Variants in SSPN observed in about 807,000 individuals in gnomAD.
SSPN encodes the protein K-ras oncogene-associated protein.
SSPN carries 15 observed loss-of-function variants against 19.1 expected under a neutral mutation model. The observed-to-expected ratio is 0.78, with a 90% CI of 0.52 to 1.21. SSPN has a LOEUF of 1.21. Among genes scored for constraint, SSPN ranks in the 50% most tolerant of loss-of-function variants. The pLI, the probability that SSPN is intolerant of heterozygous loss-of-function variation, is 0.00. For synonymous variants in SSPN, 147 were observed against 140.3 expected (o/e 1.05, Z -0.34); for missense variants, 291 against 314.0 (o/e 0.93, Z 0.55).
chr12:26,136,484 T>G (rs1420157017), intron 1 of SSPN, among the ~76,000 whole-genome samples: 1 of 152,248 alleles, frequency 6.6e-6, no homozygotes, highest in Non-Finnish European at 1.5e-5. Context: ...TACCTCCCTC[T>G]GTTTATTGCG....
Position 26,195,641 on chromosome 12 carries a change from G to GCGGGGGGGCCCC in SSPN, c.-31_-30insGGGGGGGCCCCC. The GCGGGGGGGCCCC allele has an allele frequency of 1.8e-6, 2 of 1,105,400 alleles. No homozygotes were observed. Among genetic ancestry groups the GCGGGGGGGCCCC allele is most frequent in the Non-Finnish European group, 2.3e-6 (2 of 878,118 alleles). The allele number at this position is 1,105,400 out of a possible 1,614,324, so 68.5% of individuals were successfully genotyped here. On this transcript the variant is annotated 5_prime_UTR_variant, in exon 1 of 3. Coordinates refer to ENST00000242729, the MANE Select transcript of SSPN (RefSeq NM_005086.5). The stretch of plus-strand genomic sequence containing the variant: ...CTCCAGGGCCCAGGGCGCCGCACAC[G>GCGGGGGGGCCCC]CACCCACCCACCCACCCAGCCTCGC...
chr12:26,208,029 GA>G (rs1191309529), intron 1 of SSPN, among the ~76,000 whole-genome samples: 1 of 139,120 alleles, frequency 7.2e-6, no homozygotes, highest in Non-Finnish European at 1.6e-5. Flanking sequence ...GGGGGGGGGG[GA>G]TATATAACAG....
rs61754129 is a variant in SSPN, at chr12:26,122,894, C to G, written c.-31+742C>G. On this transcript the variant is annotated intron_variant, in intron 1 of 2. Transcript: ENST00000538142. ...AGGCGAGGGGCTCCAGCTTCTGCCC[C>G]GCGCGCTCCAGGCAGGGGGCGGCCG... 9,216 of 1,550,796 alleles carry G rather than the reference C, an allele frequency of 5.9e-3. 49 individuals carry two copies. The highest frequency in any genetic ancestry group is 0.012 in the South Asian group (1,039 of 84,148).
At chr12:26,228,106 A>G (rs1256672656) in intron 2 of SSPN, among the ~76,000 whole-genome samples, 2 of 152,166 alleles carry the variant, frequency 1.3e-5, no homozygotes, top group Non-Finnish European at 2.9e-5. Context: ...GAAAATTGCT[A>G]TCTAAGGAGC....
At chr12:26,204,616 T>C (rs1944915227) in intron 1 of SSPN, among the ~76,000 whole-genome samples, 1 of 152,186 alleles carries the variant, frequency 6.6e-6, no homozygotes, top group Non-Finnish European at 1.5e-5. Context: ...GATTGCATAC[T>C]GTGGGCACCC....
chr12:26,159,812 C>T (rs75252481), intron 1 of SSPN, among the ~76,000 whole-genome samples: 5,877 of 152,288 alleles, frequency 0.039, 149 homozygotes, highest in South Asian at 0.069. Context: ...AGCATTCGAG[C>T]GGCAGCAAAT....
At chr12:26,170,108 A>G (rs1365082608) in intron 1 of SSPN, among the ~76,000 whole-genome samples, 1 of 152,200 alleles carries the variant, frequency 6.6e-6, no homozygotes, top group Non-Finnish European at 1.5e-5. Context: ...TAGATTAAAC[A>G]AAATATAACC....
intron 1 of SSPN, among the ~76,000 whole-genome samples, chr12:26,131,159 AT>A: frequency 6.6e-6 from 1 of 152,180 alleles, no homozygotes; most frequent in South Asian, 2.1e-4. Context: ...GCATCATTTT[AT>A]TGTATTAGGG....
chr12:26,161,303 C>T (rs1026104317), intron 1 of SSPN, among the ~76,000 whole-genome samples: 1 of 151,944 alleles, frequency 6.6e-6, no homozygotes, highest in South Asian at 2.1e-4. Context: ...CCATTCTACC[C>T]ATATGGCCTG....
chr12:26,141,983 G>T (rs1462974375), intron 1 of SSPN, among the ~76,000 whole-genome samples: 1 of 152,164 alleles, frequency 6.6e-6, no homozygotes, highest in Non-Finnish European at 1.5e-5. Context: ...TTACTATTGG[G>T]CACAACCTTG....
chr12:26,186,044 G>A (rs1038968461), intron 1 of SSPN, among the ~76,000 whole-genome samples: 2 of 152,238 alleles, frequency 1.3e-5, no homozygotes, highest in East Asian at 3.9e-4. Context: ...CTACTGAGAA[G>A]AAATAAAATG....
chr12:26,231,228 C>A lies in SSPN; in HGVS notation c.*152C>A. 2 of 1,157,226 alleles carry A rather than the reference C, an allele frequency of 1.7e-6. No homozygotes were observed. Among genetic ancestry groups the A allele is most frequent in the African/African-American group, 1.6e-5 (1 of 64,216 alleles). The allele number at this position is 1,157,226 out of a possible 1,614,324, so 71.7% of individuals were successfully genotyped here. A position where few individuals can be genotyped will look rare whatever the true frequency, so the allele number is the denominator to read the frequency against. ...TTTATATTTTTATGAAACAAAAGAGCATTTCTTCAGGTTTCTATTGTATTT... is the reference window on the plus strand; with the variant it reads ...TTTATATTTTTATGAAACAAAAGAGAATTTCTTCAGGTTTCTATTGTATTT... On this transcript the variant is annotated 3_prime_UTR_variant, in exon 3 of 3. Transcript: ENST00000242729.
chr12:26,122,408 C>T, intron 1 of SSPN: 1 of 1,305,616 alleles, frequency 7.7e-7, no homozygotes, highest in Non-Finnish European at 9.8e-7. Context: ...CCAGGCCGCT[C>T]TTGTCCAGGA....
At chr12:26,186,963 TTCTTTTAGCCTCTG>T (rs1483668408) in intron 1 of SSPN, among the ~76,000 whole-genome samples, 4 of 152,210 alleles carry the variant, frequency 2.6e-5, no homozygotes, top group Non-Finnish European at 4.4e-5. Flanking sequence ...ATCTTTTTGG[TTCTTTTAGCCTCTG>T]TTTCTCTTCG....
chr12:26,180,380 C>T (rs1450270257), intron 1 of SSPN: 1 of 152,126 alleles, frequency 6.6e-6, no homozygotes, highest in Non-Finnish European at 1.5e-5. Context: ...ACAGAGTGTC[C>T]TGACACCTTG....
At chr12:26,229,769 C>T (rs1311742094) in intron 2 of SSPN, among the ~76,000 whole-genome samples, 1 of 152,206 alleles carries the variant, frequency 6.6e-6, no homozygotes, top group Non-Finnish European at 1.5e-5. Flanking sequence ...CCTAGAGTCT[C>T]AGCAGGTGGA....
rs140911389 is a variant in SSPN, at chr12:26,168,378, G to A, written c.-31+46226G>A. Among the ~76,000 whole-genome samples, 7 of 152,234 alleles carry A rather than the reference G, an allele frequency of 4.6e-5. No homozygotes were observed. The East Asian group carries it at 1.4e-3, about 29-fold the overall frequency. ...TTTAAAAATGCTAAAATGATCAAAC[G>A]GGCAATCCACCCCGCCCAGTGTTCG... On this transcript the variant is annotated intron_variant, in intron 1 of 2. Transcript: ENST00000538142.
At chr12:26,124,252 T>TGGGGGGGGCGGGGG in intron 1 of SSPN, 1 of 879,456 alleles carries the variant, frequency 1.1e-6, no homozygotes, top group Non-Finnish European at 1.8e-6. Flanking sequence ...TACCCTCGTC[T>TGGGGGGGGCGGGGG]GCCCCCCCCG....
rs143555220 is a variant in SSPN, at chr12:26,139,894, G to A, written c.-31+17742G>A. On this transcript the variant is annotated intron_variant, in intron 1 of 2. Coordinates refer to the SSPN transcript ENST00000538142. ...GCAATTTCTGAAGCGGACACTCTTT[G>A]CCAGCACTAGGTGCTAGGGCTATAA... 6.1e-3 allele frequency among the ~76,000 whole-genome samples: 926 copies of A among 152,254 alleles called. 6 individuals carry two copies. The highest frequency in any genetic ancestry group is 9.7e-3 in the Admixed American group (148 of 15,274).
Sources: gnomAD v4.1 joint callset for allele counts (sites outside exome capture counted in the v4.1 genomes callset) on GRCh38, gnomAD v4.1.1 for gene constraint, MANE v1.5 for transcripts, NCBI Gene and HGNC (gene_info 2026-07-23, HGNC 2026-07-21) for gene names.